The following CYP46A1 variants were observed in gnomAD, a reference collection of about 807,000 sequenced individuals.
The protein encoded by CYP46A1 is cytochrome P450 family 46 subfamily A member 1.
Under a neutral mutation model 63.3 loss-of-function variants are expected in CYP46A1, and 20 were observed. The observed-to-expected ratio is 0.32, with a 90% confidence interval of 0.22 to 0.46. The LOEUF (loss-of-function observed/expected upper bound fraction) is 0.46. Ranked by LOEUF, CYP46A1 falls within the 20% of genes least tolerant of loss-of-function variation. CYP46A1 has a pLI of 1.00. For missense variants in CYP46A1, 445 were observed against 670.8 expected (o/e 0.66, Z 3.72); for synonymous variants, 268 against 273.6 (o/e 0.98, Z 0.20).
At chr14:99,718,389 G>A (rs537791736) in intron 10 of CYP46A1, among the ~76,000 whole-genome samples, 5 of 152,126 alleles carry the variant, frequency 3.3e-5, no homozygotes, top group Non-Finnish European at 7.3e-5. Context: ...GCCTGCTCCC[G>A]ACTCATGAGT....
rs749510095 is a variant in CYP46A1 at position 99,691,762 on chromosome 14, G to T, written c.201-18G>T. The T allele has an allele frequency of 2.5e-6, 4 of 1,613,862 alleles. No homozygotes were observed. The East Asian group carries it at 8.9e-5, about 36-fold the overall frequency. ...CTCAGGTGGTTGACAGTTTCCTTCG[G>T]GTCACTTTGGTTTCCAGGGCTAAGA... On this transcript the variant is annotated intron_variant, in intron 2 of 14. Transcript: ENST00000261835.
rs2056617554 is a variant in CYP46A1 at position 99,700,052 on chromosome 14, G to A, written c.394G>A (p.Glu132Lys). The change falls in exon 5 of 15, where the codon GAG (glutamate) becomes AAG (lysine). Residue 132 changes from glutamate to lysine, a missense_variant. Coordinates refer to ENST00000261835, the MANE Select transcript of CYP46A1 (RefSeq NM_006668.2). ...AGGCTTGGTGTCCGAATGCAACTAT[G>A]AGCGCTGGCACAAGCAGCGGAGAGT... is the stretch of plus-strand genomic sequence containing the variant. ...GQGLVSECNY[E>K]RWHKQRRVID... 5 of 1,605,722 alleles carry A rather than the reference G, an allele frequency of 3.1e-6. No homozygotes were observed. The highest frequency in any genetic ancestry group is 2.2e-5 in the East Asian group (1 of 44,482).
Position 99,726,983 on chromosome 14 carries a change from AC to A in CYP46A1, c.*257del. The A allele has an allele frequency of 2.5e-6, 1 of 401,274 alleles. No homozygotes were observed. The highest frequency in any genetic ancestry group is 4.4e-6 in the Non-Finnish European group (1 of 227,730). The allele number at this position is 401,274 out of a possible 1,614,324, so 24.9% of individuals were successfully genotyped here. A position where few individuals can be genotyped will look rare whatever the true frequency, so the allele number is the denominator to read the frequency against. The stretch of plus-strand genomic sequence containing the variant: ...ACTGTCCCTACCACTGAGCCCTTGC[AC>A]AGGCCACTTGCTCAGACGAGACACC... On this transcript the variant is annotated 3_prime_UTR_variant, in exon 15 of 15. Transcript: ENST00000261835.
intron 1 of CYP46A1, among the ~76,000 whole-genome samples, chr14:99,687,358 ACTC>A (rs2056503436): frequency 6.6e-6 from 1 of 152,018 alleles, no homozygotes; most frequent in African/African-American, 2.4e-5. Context: ...GGATAAATTG[ACTC>A]CTCCTGGACA....
Position 99,726,348 on chromosome 14 carries a change from G to GGGGCTGCTGGGCTGCT in CYP46A1, c.1332+106_1332+107insCTGGGCTGCTGGGCTG, listed in dbSNP as rs3830998. The GGGGCTGCTGGGCTGCT allele has an allele frequency of 5.0e-5, 65 of 1,301,738 alleles. 1 individual carries two copies. In the South Asian group the frequency reaches 6.0e-4, roughly 12 times the overall value. The allele number at this position is 1,301,738 out of a possible 1,614,324, so 80.6% of individuals were successfully genotyped here. ...GGAAGCATCTCCGAACCCCTGCTCT[G>GGGGCTGCTGGGCTGCT]GGGCTGCTGGGCTGTGGGCTCGGGA... On this transcript the variant is annotated intron_variant, in intron 14 of 14. Transcript: ENST00000261835.
rs1230713539 is a variant in CYP46A1, at chr14:99,718,019, C to A, written c.908-35C>A. 7 of 1,567,326 alleles carry A rather than the reference C, an allele frequency of 4.5e-6. No individual in the cohort carries two copies. The South Asian group carries it at 4.5e-5, about 10-fold the overall frequency. On this transcript the variant is annotated intron_variant, in intron 9 of 14. Coordinates refer to ENST00000261835, the MANE Select transcript of CYP46A1 (RefSeq NM_006668.2). The stretch of plus-strand genomic sequence containing the variant: ...AAACTGTCTCCTTCATCCTGTGGCC[C>A]CATGTGGAGCAACCACCGTCCTCCC...
At chr14:99,721,743 C>T (rs2056848428) in intron 11 of CYP46A1, among the ~76,000 whole-genome samples, 1 of 152,060 alleles carries the variant, frequency 6.6e-6, no homozygotes, top group Non-Finnish European at 1.5e-5. Flanking sequence ...GCCATTGTGG[C>T]CTTGCACACT....
At chr14:99,700,919 C>T (rs1279554645) in intron 5 of CYP46A1, among the ~76,000 whole-genome samples, 2 of 152,044 alleles carry the variant, frequency 1.3e-5, no homozygotes, top group Non-Finnish European at 2.9e-5. Flanking sequence ...AGGAAAGATG[C>T]GGAGGTGGAA....
chr14:99,718,554 G>C (rs987881090), intron 10 of CYP46A1, among the ~76,000 whole-genome samples: 1 of 152,174 alleles, frequency 6.6e-6, no homozygotes, highest in Admixed American at 6.5e-5. Context: ...AAATTGCCAA[G>C]AGCGTGCTTG....
At chr14:99,691,444 GT>G in intron 2 of CYP46A1, 1 of 580,736 alleles carries the variant, frequency 1.7e-6, no homozygotes, top group African/African-American at 1.9e-5. Context: ...AACAGTCATT[GT>G]TTGGTGTGTC....
At position 99,725,502 on chromosome 14, in the gene CYP46A1, C is replaced by G. The variant is rs1238470720; in HGVS notation, c.1265+23C>G. 1.3e-6 allele frequency: 2 copies of G among 1,582,858 alleles called. No individual in the cohort carries two copies. The highest frequency in any genetic ancestry group is 1.7e-6 in the Non-Finnish European group (2 of 1,151,694). ...CAAGTAAGTCCCTCCTGGAGCTGCC[C>G]ATGAGTGGGGCTGGCGGGAGAAGGA... On this transcript the variant is annotated intron_variant, in intron 13 of 14. Coordinates refer to ENST00000261835, the MANE Select transcript of CYP46A1 (RefSeq NM_006668.2). The surrounding 1 kb of genome is among the most constrained non-coding windows in gnomAD (Gnocchi z 4.2).
intron 12 of CYP46A1, chr14:99,723,211 G>A (rs1201278244): frequency 1.1e-5 from 2 of 182,212 alleles, no homozygotes; most frequent in South Asian, 1.2e-4. Context: ...TGAGATGTGG[G>A]CTCAGTTTCC....
chr14:99,703,615 T>C, intron 5 of CYP46A1: 1 of 985,408 alleles, frequency 1.0e-6, no homozygotes, highest in Non-Finnish European at 1.2e-6. Flanking sequence ...CTGTTCCTCC[T>C]TTGATACCCA....
chr14:99,689,159 G>C (rs182322657), intron 1 of CYP46A1, among the ~76,000 whole-genome samples: 2 of 152,258 alleles, frequency 1.3e-5, no homozygotes, highest in Admixed American at 1.3e-4. Context: ...CTGGGCTCCA[G>C]ATCTGAGTGT....
At chr14:99,701,708 G>A (rs367769919) in intron 5 of CYP46A1, among the ~76,000 whole-genome samples, 15 of 152,256 alleles carry the variant, frequency 9.9e-5, no homozygotes, top group Non-Finnish European at 2.1e-4. Context: ...ATTCAATGGC[G>A]TTGGTATATT....
At chr14:99,705,012 A>G (rs970177555) in intron 5 of CYP46A1, among the ~76,000 whole-genome samples, 1 of 152,230 alleles carries the variant, frequency 6.6e-6, no homozygotes, top group African/African-American at 2.4e-5. Context: ...GAGGTCAGCG[A>G]GAAGCAGACT....
At chr14:99,716,563 G>C (rs1415631964) in intron 9 of CYP46A1, among the ~76,000 whole-genome samples, 3 of 152,216 alleles carry the variant, frequency 2.0e-5, no homozygotes, top group African/African-American at 7.2e-5. Context: ...TCCTGAACAT[G>C]GTTCTTCACC....
intron 2 of CYP46A1, chr14:99,691,458 T>C (rs2056542615): frequency 1.8e-5 from 10 of 568,502 alleles, no homozygotes; most frequent in Admixed American, 3.2e-5. Context: ...GGTGTGTCAC[T>C]TTTTTACATT....
chr14:99,702,778 T>G (rs1040688455), intron 5 of CYP46A1, among the ~76,000 whole-genome samples: 12 of 152,150 alleles, frequency 7.9e-5, no homozygotes, highest in Admixed American at 2.0e-4. Context: ...CTTTAAATAC[T>G]TCCATGAACA....
Sources: gnomAD v4.1 joint callset for allele counts (sites outside exome capture counted in the v4.1 genomes callset) on GRCh38, gnomAD v4.1.1 for gene constraint, Gnocchi (gnomAD v3.1) non-coding constraint, MANE v1.5 for transcripts, NCBI Gene and HGNC (gene_info 2026-07-23, HGNC 2026-07-21) for gene names.